Variants in SLC35F3 observed in about 807,000 individuals in gnomAD.
The protein encoded by SLC35F3 is solute carrier family 35 member F3.
A neutral mutation model predicts 49.9 loss-of-function variants in SLC35F3; 25 were observed. The observed-to-expected ratio is 0.50, with a 90% confidence interval of 0.37 to 0.70. SLC35F3 has a LOEUF of 0.70. SLC35F3 is among the 30% of genes least tolerant of loss of function. The probability of loss-of-function intolerance (pLI) is 0.00; values close to 1 mark genes in which losing one functional copy is unlikely to be tolerated. For missense variants in SLC35F3, 525 were observed against 639.8 expected (o/e 0.82, Z 1.94); for synonymous variants, 275 against 265.4 (o/e 1.04, Z -0.35).
At chr1:234,085,497 T>C (rs1382368753) in intron 2 of SLC35F3, among the ~76,000 whole-genome samples, 1 of 152,228 alleles carries the variant, frequency 6.6e-6, no homozygotes, top group Non-Finnish European at 1.5e-5. Flanking sequence ...TCTGTCTGAA[T>C]GGATTGGGAT....
At chr1:234,222,061 A>C (rs973267155) in intron 2 of SLC35F3, among the ~76,000 whole-genome samples, 1 of 152,174 alleles carries the variant, frequency 6.6e-6, no homozygotes, top group South Asian at 2.1e-4. Context: ...GCTCTTTCTG[A>C]GAGTAGATTT....
At chr1:233,905,796 C>A in intron 2 of SLC35F3, 38 bp downstream of exon 2, 1 of 1,548,172 alleles carries the variant, frequency 6.5e-7, no homozygotes, top group Non-Finnish European at 8.8e-7. Flanking sequence ...GTTCACTGGT[C>A]CATCTTCTTA....
chr1:234,244,951 C>T, intron 3 of SLC35F3, among the ~76,000 whole-genome samples: 1 of 152,150 alleles, frequency 6.6e-6, no homozygotes, highest in Non-Finnish European at 1.5e-5. Context: ...GAGTATTTGT[C>T]ATTTTTATGC....
chr1:233,986,369 A>G (rs1319109550), intron 2 of SLC35F3, among the ~76,000 whole-genome samples: 1 of 152,146 alleles, frequency 6.6e-6, no homozygotes, highest in Non-Finnish European at 1.5e-5. Context: ...TTCTGCTTTC[A>G]TAAATGTTTG....
chr1:234,023,672 G>A (rs1173296919), intron 2 of SLC35F3, among the ~76,000 whole-genome samples: 1 of 151,994 alleles, frequency 6.6e-6, no homozygotes, highest in Non-Finnish European at 1.5e-5. Flanking sequence ...GGAGAAACCT[G>A]GGCAATCACC....
At chr1:234,108,412 A>G (rs1227024368) in intron 2 of SLC35F3, among the ~76,000 whole-genome samples, 2 of 118,768 alleles carry the variant, frequency 1.7e-5, no homozygotes, top group Non-Finnish European at 3.2e-5. Context: ...TATATATGAT[A>G]TATATTATTT....
At chr1:234,239,290 G>A (rs1667518373) in intron 3 of SLC35F3, among the ~76,000 whole-genome samples, 1 of 152,168 alleles carries the variant, frequency 6.6e-6, no homozygotes, top group Non-Finnish European at 1.5e-5. Flanking sequence ...GGCCCATGTA[G>A]GCGGCATACA....
chr1:234,313,772 G>C (rs552909315), intron 4 of SLC35F3, among the ~76,000 whole-genome samples: 2 of 152,298 alleles, frequency 1.3e-5, no homozygotes, highest in East Asian at 1.9e-4. Context: ...GGCCTTCCTA[G>C]AGAGTTTGTT....
intron 3 of SLC35F3, among the ~76,000 whole-genome samples, chr1:234,304,163 A>G (rs1351664240): frequency 7.0e-6 from 1 of 142,616 alleles, no homozygotes; most frequent in Non-Finnish European, 1.5e-5. Flanking sequence ...CAACTTTTCT[A>G]TTAATTATTT....
chr1:234,292,870 G>C (rs564124339), intron 3 of SLC35F3, among the ~76,000 whole-genome samples: 1 of 152,168 alleles, frequency 6.6e-6, no homozygotes, highest in Non-Finnish European at 1.5e-5. Context: ...GGTACTTCCA[G>C]CTTTAGATTT....
chr1:234,096,573 A>G (rs1399058788), intron 2 of SLC35F3, among the ~76,000 whole-genome samples: 1 of 152,166 alleles, frequency 6.6e-6, no homozygotes, highest in Non-Finnish European at 1.5e-5. Flanking sequence ...GGGGCATTTG[A>G]GGAACTACAA....
rs968013636 is a variant in SLC35F3, at chr1:234,046,050, A to G, written c.283+140292A>G. 6.6e-6 allele frequency among the ~76,000 whole-genome samples: 1 copy of G among 152,094 alleles called. No homozygotes were observed. The highest frequency in any genetic ancestry group is 2.4e-5 in the African/African-American group (1 of 41,428). ...ATCCTTTACCTGTTGATGGACATTT[A>G]GTTTATTTCTCACATTTTGCTACTG... On this transcript the variant is annotated intron_variant, in intron 2 of 7. Transcript: ENST00000366618. The surrounding 1 kb of genome is among the most constrained non-coding windows in gnomAD (Gnocchi z 4.4).
At chr1:234,084,673 G>A (rs1264533192) in intron 2 of SLC35F3, among the ~76,000 whole-genome samples, 2 of 152,122 alleles carry the variant, frequency 1.3e-5, no homozygotes, top group Admixed American at 6.5e-5. Flanking sequence ...TTTAGCCCTC[G>A]CAACTCCAGG....
chr1:234,288,567 GTCTGTCC>G (rs1407575853), intron 3 of SLC35F3, among the ~76,000 whole-genome samples: 1 of 152,176 alleles, frequency 6.6e-6, no homozygotes, highest in Admixed American at 6.5e-5. Flanking sequence ...ATAAACTGAC[GTCTGTCC>G]TTTTTGAAGG....
At chr1:233,941,950 T>C (rs1662429737) in intron 2 of SLC35F3, among the ~76,000 whole-genome samples, 1 of 108,944 alleles carries the variant, frequency 9.2e-6, no homozygotes, top group Non-Finnish European at 1.8e-5. Context: ...TGGGGTTGTT[T>C]TTTGTTTTTT....
intron 3 of SLC35F3, among the ~76,000 whole-genome samples, chr1:234,303,756 T>C (rs1668728401): frequency 6.6e-6 from 1 of 152,240 alleles, no homozygotes; most frequent in African/African-American, 2.4e-5. Flanking sequence ...TCATTTCTCT[T>C]GGGAGATTTT....
At chr1:233,979,399 T>G (rs927671637) in intron 2 of SLC35F3, among the ~76,000 whole-genome samples, 1 of 152,212 alleles carries the variant, frequency 6.6e-6, no homozygotes, top group Non-Finnish European at 1.5e-5. Context: ...GGCCGAACAG[T>G]ACCCAAGCCT....
At chr1:234,180,528 C>T (rs1469188687) in intron 2 of SLC35F3, among the ~76,000 whole-genome samples, 1 of 152,222 alleles carries the variant, frequency 6.6e-6, no homozygotes, top group Non-Finnish European at 1.5e-5. Flanking sequence ...CACACACATG[C>T]ACACCTTTAT....
chr1:234,052,987 A>C (rs1467967807), intron 2 of SLC35F3, among the ~76,000 whole-genome samples: 1 of 152,198 alleles, frequency 6.6e-6, no homozygotes, highest in Admixed American at 6.5e-5. Context: ...GTTTGATTGC[A>C]CTGTGGTCTG....
Sources: allele counts gnomAD v4.1 joint callset (sites outside exome capture counted in the v4.1 genomes callset), GRCh38; gene constraint gnomAD v4.1.1; non-coding constraint Gnocchi (gnomAD v3.1); transcripts MANE v1.5; gene names NCBI Gene and HGNC (gene_info 2026-07-23, HGNC 2026-07-21).